CELF4: variants seen among roughly 807,000 people sequenced by gnomAD.
The protein encoded by CELF4 is CUG-BP- and ETR-3-like factor 4.
Under a neutral mutation model 59.9 loss-of-function variants are expected in CELF4, and 18 were observed. The observed-to-expected ratio is 0.30, with a 90% CI of 0.21 to 0.45. CELF4 has a LOEUF of 0.45. CELF4 is among the 20% of genes least tolerant of loss of function. CELF4 has a pLI of 1.00. For missense variants in CELF4, 456 were observed against 689.0 expected, an observed-to-expected ratio of 0.66 and a Z score of 3.79; for synonymous variants, 261 against 267.1, an observed-to-expected ratio of 0.98 and a Z score of 0.22.
intron 2 of CELF4, among the ~76,000 whole-genome samples, chr18:37,337,713 G>A (rs1045469104): frequency 1.3e-5 from 2 of 152,166 alleles, no homozygotes; most frequent in Non-Finnish European, 2.9e-5. Context: ...TTGTCACATG[G>A]TGCGAGATTT....
At chr18:37,368,034 G>T (rs2098809867) in intron 2 of CELF4, among the ~76,000 whole-genome samples, 1 of 152,006 alleles carries the variant, frequency 6.6e-6, no homozygotes, top group Non-Finnish European at 1.5e-5. Context: ...ACCAGCCCTG[G>T]GTATAAAGAG....
chr18:37,448,708 G>A (rs1476153536), intron 2 of CELF4, among the ~76,000 whole-genome samples: 6 of 152,210 alleles, frequency 3.9e-5, no homozygotes, highest in Admixed American at 3.9e-4. Context: ...TGCCTGCATG[G>A]GTCTGGCAGC....
intron 2 of CELF4, among the ~76,000 whole-genome samples, chr18:37,443,079 C>A (rs2099737487): frequency 6.6e-6 from 1 of 152,110 alleles, no homozygotes; most frequent in Non-Finnish European, 1.5e-5. Flanking sequence ...TTTGTCTTCC[C>A]AAATGGGAGC....
At chr18:37,564,861 C>T (rs1380428318) in intron 1 of CELF4, among the ~76,000 whole-genome samples, 1 of 152,128 alleles carries the variant, frequency 6.6e-6, no homozygotes, top group Non-Finnish European at 1.5e-5. Flanking sequence ...TGTCACCTCT[C>T]TCCCTTTTAG....
At chr18:37,449,696 C>T (rs1413369957) in intron 2 of CELF4, among the ~76,000 whole-genome samples, 1 of 152,132 alleles carries the variant, frequency 6.6e-6, no homozygotes, top group Non-Finnish European at 1.5e-5. Context: ...CCAGGGAAGG[C>T]CTCTCTGATA....
intron 2 of CELF4, among the ~76,000 whole-genome samples, chr18:37,475,533 G>A (rs2099846375): frequency 6.6e-6 from 1 of 152,224 alleles, no homozygotes; most frequent in Non-Finnish European, 1.5e-5. Flanking sequence ...GCATCACAGA[G>A]GAAGGGAGCT....
At chr18:37,348,898 C>A (rs1295393591) in intron 2 of CELF4, among the ~76,000 whole-genome samples, 5 of 152,260 alleles carry the variant, frequency 3.3e-5, no homozygotes, top group African/African-American at 1.2e-4. Context: ...GAGACTCCCC[C>A]AGGGGAGCTG....
intron 2 of CELF4, among the ~76,000 whole-genome samples, chr18:37,395,034 C>T (rs2099225646): frequency 6.6e-6 from 1 of 150,838 alleles, no homozygotes; most frequent in South Asian, 2.1e-4. Flanking sequence ...CTGTCCACTG[C>T]CAACCTTCAA....
chr18:37,520,557 T>C (rs2099956176), intron 1 of CELF4, among the ~76,000 whole-genome samples: 1 of 151,392 alleles, frequency 6.6e-6, no homozygotes, highest in Admixed American at 6.6e-5. Flanking sequence ...TTTTTCCTGA[T>C]TGTGGGAGGG....
intron 2 of CELF4, among the ~76,000 whole-genome samples, chr18:37,339,753 CA>C (rs1300133217): frequency 0.022 from 1,538 of 69,330 alleles, 8 homozygotes; most frequent in African/African-American, 0.049. Context: ...GACTCTGTCT[CA>C]AAAAAAAAAA....
intron 11 of CELF4, among the ~76,000 whole-genome samples, chr18:37,255,779 G>A (rs1422779722): frequency 1.3e-5 from 2 of 152,180 alleles, no homozygotes; most frequent in East Asian, 1.9e-4. Context: ...TGGGGGACAT[G>A]CTGCCCCTCA....
intron 2 of CELF4, among the ~76,000 whole-genome samples, chr18:37,422,176 G>A (rs545403609): frequency 2.6e-5 from 4 of 152,280 alleles, no homozygotes; most frequent in South Asian, 2.1e-4. Context: ...GCCTGAGTGG[G>A]GCCTGTGTAA....
chr18:37,254,216 G>A lies in CELF4; in HGVS notation c.1334-278C>T, dbSNP rs992289117. 4.6e-5 allele frequency among the ~76,000 whole-genome samples: 7 copies of A among 151,028 alleles called. No homozygotes were observed. The highest frequency in any genetic ancestry group is 4.6e-4 in the Admixed American group (7 of 15,188). On this transcript the variant is annotated intron_variant, in intron 11 of 12. Coordinates refer to ENST00000420428, the MANE Select transcript of CELF4 (RefSeq NM_020180.4). This position sits in a 1 kb window ranked among gnomAD's most constrained non-coding sequence, Gnocchi z 5.1. ...GCCCGCTCCCCAAGTGGGGCCCGCG[G>A]CCGGGCGGCGCTGGGAGAGGCGCCC...
rs1372119043 is a variant in CELF4, at chr18:37,253,983, C to T, written c.1334-45G>A. 1 of 1,528,430 alleles carries T rather than the reference C, an allele frequency of 6.5e-7. No individual in the cohort carries two copies. The allele number at this position is 1,528,430 out of a possible 1,614,324, so 94.7% of individuals were successfully genotyped here. A position where few individuals can be genotyped will look rare whatever the true frequency, so the allele number is the denominator to read the frequency against. ...GAGGGCCTGGGTTTCCACGGGGCCG[C>T]CCGGGGCGCTGCCGGCGGGGAGGGG... On this transcript the variant is annotated intron_variant, in intron 11 of 12. Coordinates refer to ENST00000420428, the MANE Select transcript of CELF4 (RefSeq NM_020180.4). The surrounding 1 kb of genome is among the most constrained non-coding windows in gnomAD (Gnocchi z 4.5).
intron 1 of CELF4, among the ~76,000 whole-genome samples, chr18:37,559,340 A>G (rs1316697161): frequency 2.6e-5 from 4 of 152,004 alleles, no homozygotes; most frequent in Non-Finnish European, 5.9e-5. Flanking sequence ...ACACCCACAC[A>G]GGCTGCAGCA....
chr18:37,551,611 A>G (rs544790601), intron 1 of CELF4, among the ~76,000 whole-genome samples: 2 of 152,296 alleles, frequency 1.3e-5, no homozygotes, highest in Admixed American at 6.5e-5. Context: ...CTGGAATCCT[A>G]TAGTGTATTG....
chr18:37,440,363 C>G (rs546792179), intron 2 of CELF4, among the ~76,000 whole-genome samples: 8 of 152,298 alleles, frequency 5.3e-5, no homozygotes, highest in African/African-American at 1.9e-4. Context: ...TGCTCCCATT[C>G]AGCCCCACCA....
chr18:37,414,808 A>G (rs936154813), intron 2 of CELF4, among the ~76,000 whole-genome samples: 2 of 151,194 alleles, frequency 1.3e-5, no homozygotes, highest in East Asian at 2.0e-4. Context: ...TAATTCATCC[A>G]TCCATCCAGC....
chr18:37,341,559 G>A lies in CELF4; in HGVS notation c.370-19678C>T, dbSNP rs1024266482. On this transcript the variant is annotated intron_variant, in intron 2 of 12. Coordinates refer to ENST00000420428, the MANE Select transcript of CELF4 (RefSeq NM_020180.4). ...TTCCACCTGGCTCTGGGGTCAGGAC[G>A]TTGCAGACAGTTCACGCAGGAACTC... Among the ~76,000 whole-genome samples, 18 of 152,224 alleles carry A rather than the reference G, an allele frequency of 1.2e-4. No homozygotes were observed. In the South Asian group the frequency reaches 2.1e-3, roughly 18 times the overall value.
Sources: gnomAD v4.1 joint callset for allele counts (sites outside exome capture counted in the v4.1 genomes callset) on GRCh38, gnomAD v4.1.1 for gene constraint, Gnocchi (gnomAD v3.1) non-coding constraint, MANE v1.5 for transcripts, NCBI Gene and HGNC (gene_info 2026-07-23, HGNC 2026-07-21) for gene names.